Variants in LDAF1 observed in about 807,000 individuals in gnomAD.
LDAF1 encodes the protein lipid droplet assembly factor 1.
A neutral mutation model predicts 13.5 loss-of-function variants in LDAF1; 7 were observed. The ratio of observed to expected loss-of-function variants is 0.52; its 90% CI spans 0.29 to 0.97. LDAF1 has a LOEUF of 0.97. LDAF1 is among the 50% of genes least tolerant of loss of function. The pLI, the probability that LDAF1 is intolerant of heterozygous loss-of-function variation, is 0.07. For synonymous variants in LDAF1, 69 were observed against 77.1 expected, an observed-to-expected ratio of 0.89 and a Z score of 0.55; for missense variants, 148 against 193.2, an observed-to-expected ratio of 0.77 and a Z score of 1.39.
At chr16:21,174,715 T>G (rs549085669) in intron 4 of LDAF1, among the ~76,000 whole-genome samples, 2 of 152,182 alleles carry the variant, frequency 1.3e-5, no homozygotes, top group Non-Finnish European at 2.9e-5. Flanking sequence ...CTATCAGTAT[T>G]ATTGATTCCT....
intron 2 of LDAF1, among the ~76,000 whole-genome samples, chr16:21,168,719 ATT>A (rs1373122418): frequency 7.4e-6 from 1 of 134,534 alleles, no homozygotes; most frequent in Non-Finnish European, 1.5e-5. Context: ...TTATATATAT[ATT>A]TTTAATATTA....
intron 2 of LDAF1, among the ~76,000 whole-genome samples, chr16:21,167,750 T>C (rs2093039652): frequency 7.7e-6 from 1 of 130,162 alleles, no homozygotes; most frequent in African/African-American, 2.9e-5. Context: ...CCCACGCCTG[T>C]AATCTCAGCA....
Position 21,161,108 on chromosome 16 carries a change from A to G in LDAF1, c.-75A>G, listed in dbSNP as rs1276367753. 3.8e-6 allele frequency: 6 copies of G among 1,582,446 alleles called. No homozygotes were observed. The highest frequency in any genetic ancestry group is 4.3e-6 in the Non-Finnish European group (5 of 1,166,836). The stretch of plus-strand genomic sequence containing the variant: ...AGCAAGAGACAGAGCGACATGAGAG[A>G]TTGGACCGCGGGCTGCACTGGAGAA... On this transcript the variant is annotated 5_prime_UTR_variant, in exon 2 of 5. Coordinates refer to ENST00000233047, the MANE Select transcript of LDAF1 (RefSeq NM_001301771.2).
intron 4 of LDAF1, chr16:21,177,281 C>T (rs1159534003): frequency 6.6e-6 from 1 of 152,102 alleles, no homozygotes; most frequent in Admixed American, 6.6e-5. Flanking sequence ...GGAGGCAAAG[C>T]TTTTTTAAAC....
chr16:21,177,637 T>G (rs1167983748), intron 4 of LDAF1, among the ~76,000 whole-genome samples: 2 of 146,056 alleles, frequency 1.4e-5, no homozygotes, highest in Non-Finnish European at 3.0e-5. Flanking sequence ...TTTTTTTTTT[T>G]TTGAGACGAG....
intron 2 of LDAF1, among the ~76,000 whole-genome samples, chr16:21,169,748 G>A (rs544427616): frequency 1.4e-4 from 22 of 152,110 alleles, no homozygotes; most frequent in Non-Finnish European, 2.6e-4. Context: ...CCTTTATGCC[G>A]AAGAGGTCTT....
At chr16:21,159,533 T>C (rs971872087) in intron 1 of LDAF1, 31 of 1,198,064 alleles carry the variant, frequency 2.6e-5, no homozygotes, top group Non-Finnish European at 3.8e-5. Flanking sequence ...GGCCAGGAGA[T>C]TTATTTGGAG....
Position 21,180,248 on chromosome 16 carries a change from T to TTC in LDAF1, c.*693_*694insCT. ...CTTTCTTTTTTTTTTTTTTTTTTTT[T>TTC]TGTGACGGAGTTTCCCTCTTGTTGC... On this transcript the variant is annotated 3_prime_UTR_variant, in exon 5 of 5. Coordinates refer to ENST00000233047, the MANE Select transcript of LDAF1 (RefSeq NM_001301771.2). 6.7e-6 allele frequency: 1 copy of TTC among 149,622 alleles called. No individual in the cohort carries two copies. The highest frequency in any genetic ancestry group is 2.1e-4 in the South Asian group (1 of 4,652). The allele number at this position is 149,622 out of a possible 1,614,324, so 9.3% of individuals were successfully genotyped here. A position where few individuals can be genotyped will look rare whatever the true frequency, so the allele number is the denominator to read the frequency against.
chr16:21,160,290 G>T (rs1452452993), intron 1 of LDAF1, among the ~76,000 whole-genome samples: 1 of 151,786 alleles, frequency 6.6e-6, no homozygotes, highest in Non-Finnish European at 1.5e-5. Context: ...AACTCAACAA[G>T]GGTTAAAAAA....
At position 21,174,140 on chromosome 16, in the gene LDAF1, T is replaced by G; in HGVS notation, c.396T>G (p.Phe132Leu). ...VVVSSLISCW[F>L]SPRPLTQQNT... ...TCTCCAGCCTCATCAGCTGCTGGTT[T>G]TCTCCCAGGTAAATACATGTCCATG... Residue 132 changes from phenylalanine to leucine, a missense_variant, in exon 4 of 5, where the codon TTT (phenylalanine) becomes TTG (leucine). Coordinates refer to ENST00000233047, the MANE Select transcript of LDAF1 (RefSeq NM_001301771.2). 6.2e-7 allele frequency: 1 copy of G among 1,606,068 alleles called. No individual in the cohort carries two copies. The highest frequency in any genetic ancestry group is 1.3e-5 in the African/African-American group (1 of 74,506).
intron 1 of LDAF1, chr16:21,159,767 C>G (rs2092946824): frequency 4.1e-6 from 1 of 242,298 alleles, no homozygotes; most frequent in Non-Finnish European, 6.6e-6. Flanking sequence ...GCCCCACGCA[C>G]TCTCTCATCG....
intron 1 of LDAF1, chr16:21,159,878 T>C: frequency 1.0e-6 from 1 of 979,678 alleles, no homozygotes; most frequent in Non-Finnish European, 1.2e-6. Context: ...GATGAGATTA[T>C]GGGAACTGAG....
intron 2 of LDAF1, among the ~76,000 whole-genome samples, chr16:21,162,850 T>C (rs1403304504): frequency 6.6e-6 from 1 of 152,246 alleles, no homozygotes; most frequent in African/African-American, 2.4e-5. Flanking sequence ...AGTTACGTTC[T>C]ATAAAGTTAC....
rs533019532 is a variant in LDAF1 at position 21,175,376 on chromosome 16, CA to C, written c.404+1229del. On this transcript the variant is annotated intron_variant, in intron 4 of 4. Coordinates refer to ENST00000233047, the MANE Select transcript of LDAF1 (RefSeq NM_001301771.2). ...GAGTAGCACAGAAGGGACTTAATTC[CA>C]GGTGAGTTAATTCCAAAGCCCTCTT... Among the ~76,000 whole-genome samples the C allele has an allele frequency of 9.2e-5, 14 of 152,234 alleles. No individual in the cohort carries two copies. The East Asian group carries it at 2.7e-3, about 29-fold the overall frequency.
intron 1 of LDAF1, 37 bp from the exon 2 acceptor site, chr16:21,161,048 G>A (rs2092968242): frequency 6.9e-7 from 1 of 1,444,664 alleles, no homozygotes; most frequent in Non-Finnish European, 9.1e-7. Context: ...CCAGATGGAT[G>A]AAGACCACTA....
rs867966576 is a variant in LDAF1, at chr16:21,166,743, G to T, written c.97-3694G>T. Reference sequence around the variant, plus strand: ...ATCAAATAAGGATGCATGTGGATTCGAACTGGAAAGAAGTCAGGACCTGAG... The same window carrying T: ...ATCAAATAAGGATGCATGTGGATTCTAACTGGAAAGAAGTCAGGACCTGAG... On this transcript the variant is annotated intron_variant, in intron 2 of 4. Transcript: ENST00000233047. 3.1e-5 allele frequency: 31 copies of T among 988,450 alleles called. No homozygotes were observed. In the African/African-American group the frequency reaches 3.8e-4, roughly 12 times the overall value. 61.2% of individuals were successfully genotyped at this position (988,450 alleles called of 1,614,324 possible).
rs1169782996 is a variant in LDAF1 at position 21,161,383 on chromosome 16, T to G, written c.96+105T>G. ...CCAGTAGAAGGAATTTGGAGGTAAG[T>G]CAAGAATCTTTCTGGCTTACCGCCC... On this transcript the variant is annotated intron_variant, in intron 2 of 4. Coordinates refer to ENST00000233047, the MANE Select transcript of LDAF1 (RefSeq NM_001301771.2). The G allele has an allele frequency of 2.2e-6, 3 of 1,375,962 alleles. No individual in the cohort carries two copies. The Admixed American group carries it at 7.3e-5, about 33-fold the overall frequency. 85.2% of individuals were successfully genotyped at this position (1,375,962 alleles called of 1,614,324 possible). A position where few individuals can be genotyped will look rare whatever the true frequency, so the allele number is the denominator to read the frequency against.
intron 4 of LDAF1, 40 bp downstream of exon 4, chr16:21,174,188 T>G: frequency 6.4e-7 from 1 of 1,573,300 alleles, no homozygotes; most frequent in Non-Finnish European, 8.6e-7. Flanking sequence ...TTTTTAATCT[T>G]TCTACTTTTT....
At chr16:21,178,310 A>G (rs1328738603) in intron 4 of LDAF1, 1 of 985,344 alleles carries the variant, frequency 1.0e-6, no homozygotes, top group Non-Finnish European at 1.2e-6. Context: ...TCACTACCCC[A>G]TATCATAATC....
Sources: allele counts gnomAD v4.1 joint callset (sites outside exome capture counted in the v4.1 genomes callset), GRCh38; gene constraint gnomAD v4.1.1; transcripts MANE v1.5; gene names NCBI Gene and HGNC (gene_info 2026-07-23, HGNC 2026-07-21).